The following STIL variants were observed in gnomAD, a reference collection of about 807,000 sequenced individuals.
The protein encoded by STIL is SCL-interrupting locus protein.
STIL carries 55 observed loss-of-function variants against 110.1 expected under a neutral mutation model. That is an observed-to-expected ratio of 0.50 (90% CI 0.40 to 0.63). The LOEUF is 0.63. Among genes scored for constraint, STIL ranks in the 20% least tolerant of loss-of-function variants. The pLI is 0.00. For missense variants in STIL, 1,358 were observed against 1,530.0 expected, an observed-to-expected ratio of 0.89 and a Z score of 1.87; for synonymous variants, 481 against 530.0, an observed-to-expected ratio of 0.91 and a Z score of 1.27.
At chr1:47,284,689 A>C (rs1307114907) in intron 10 of STIL, among the ~76,000 whole-genome samples, 2 of 152,176 alleles carry the variant, frequency 1.3e-5, no homozygotes, top group Non-Finnish European at 2.9e-5. Flanking sequence ...CAGGAGTTCG[A>C]GGCCAGCCTG....
intron 12 of STIL, among the ~76,000 whole-genome samples, chr1:47,276,041 C>T (rs936790487): frequency 6.7e-6 from 1 of 150,356 alleles, no homozygotes; most frequent in East Asian, 1.9e-4. Context: ...CTAGCTCTGT[C>T]GCCCAGGCTG....
intron 1 of STIL, 130 bp from the exon 2 acceptor site, chr1:47,310,492 T>C (rs1403727704): frequency 3.5e-6 from 2 of 569,362 alleles, no homozygotes; most frequent in African/African-American, 3.8e-5. Flanking sequence ...TTAATAAGAT[T>C]AAATGCTTGT....
At position 47,265,240 on chromosome 1, in the gene STIL, A is replaced by AAAT. The variant is rs1268060092; in HGVS notation, c.2616-2125_2616-2124insATT. Among the ~76,000 whole-genome samples, 181 of 147,396 alleles carry AAAT rather than the reference A, an allele frequency of 1.2e-3. 3 individuals carry two copies. The highest frequency in any genetic ancestry group is 4.4e-3 in the African/African-American group (173 of 39,268). ...AACAGAGCAACACTCCATCTCCCAA[A>AAAT]AAAAAAAAAAAAAAAAAAAACACAA... On this transcript the variant is annotated intron_variant, in intron 14 of 16. Coordinates refer to ENST00000371877, the MANE Select transcript of STIL (RefSeq NM_001048166.1).
intron 12 of STIL, among the ~76,000 whole-genome samples, chr1:47,279,300 A>G (rs1005973507): frequency 8.1e-6 from 1 of 123,096 alleles, no homozygotes; most frequent in African/African-American, 5.2e-5. Context: ...AAAAAAAAAA[A>G]TCATACGTAT....
chr1:47,260,265 T>A, intron 16 of STIL, 24 bp downstream of exon 16: 1 of 1,600,946 alleles, frequency 6.2e-7, no homozygotes, highest in Middle Eastern at 1.7e-4. Context: ...TATTCACTCT[T>A]TAAAACAAAA....
rs912446218 is a variant in STIL, at chr1:47,304,464, C to A, written c.152+425G>T. On this transcript the variant is annotated intron_variant, in intron 3 of 16. Coordinates refer to ENST00000371877, the MANE Select transcript of STIL (RefSeq NM_001048166.1). ...AACAAGTAACTCTTATGTACAAAAC[C>A]TCAATAGATCTATTTTCTATTACTT... Among the ~76,000 whole-genome samples, 20 of 152,272 alleles carry A rather than the reference C, an allele frequency of 1.3e-4. No individual in the cohort carries two copies. The South Asian group carries it at 1.5e-3, about 11-fold the overall frequency.
Position 47,251,218 on chromosome 1 carries a change from G to A in STIL, c.3785C>T (p.Thr1262Met), listed in dbSNP as rs747792794. ...IFPESLQPSETLKQMNSMNSV... is the reference protein window; with the variant it reads ...IFPESLQPSEMLKQMNSMNSV... ...ATTCATGCTATTCATCTGCTTTAGC[G>A]TTTCAGAAGGTTGCAAACTTTCAGG... Residue 1262 changes from threonine (T) to methionine (M), a missense_variant, in exon 17 of 17, where the codon ACG becomes ATG. Thr to Met is a moderately conservative substitution (Grantham distance 81, BLOSUM62 -1). Transcript: ENST00000371877. 34 of 1,611,680 alleles carry A rather than the reference G, an allele frequency of 2.1e-5. No homozygotes were observed. In the East Asian group the frequency reaches 5.3e-4, roughly 25 times the overall value.
At chr1:47,306,725 T>C (rs1645971069) in intron 2 of STIL, among the ~76,000 whole-genome samples, 2 of 152,258 alleles carry the variant, frequency 1.3e-5, no homozygotes, top group African/African-American at 4.8e-5. Context: ...CAAAAGGACA[T>C]AATTATAAAT....
At chr1:47,295,657 TG>T in intron 7 of STIL, 107 bp downstream of exon 7, 1 of 782,010 alleles carries the variant, frequency 1.3e-6, no homozygotes, top group South Asian at 1.5e-5. Flanking sequence ...CTTATCTTTG[TG>T]GCTTTATAAA....
chr1:47,280,055 AATT>A (rs1645113865), intron 12 of STIL, among the ~76,000 whole-genome samples, 183 bp downstream of exon 12: 1 of 152,184 alleles, frequency 6.6e-6, no homozygotes, highest in East Asian at 1.9e-4. Context: ...CATTGGGTTA[AATT>A]ATTCTCTCTA....
In STIL at chr1:47,306,125, T is replaced by C. The variant is rs144355185; in HGVS notation, c.45-1129A>G. Among the ~76,000 whole-genome samples, 73 of 152,256 alleles carry C rather than the reference T, an allele frequency of 4.8e-4. 1 individual carries two copies. In the East Asian group the frequency reaches 9.8e-3, roughly 21 times the overall value. ...TGGCTTATTTGTCCTTTTTTATCTA[T>C]GCATATGTAAATTTATGTATACACA... On this transcript the variant is annotated intron_variant, in intron 2 of 16. Coordinates refer to ENST00000371877, the MANE Select transcript of STIL (RefSeq NM_001048166.1).
chr1:47,310,419 G>T, intron 1 of STIL, 57 bp from the exon 2 acceptor site: 1 of 1,103,462 alleles, frequency 9.1e-7, no homozygotes. Context: ...AGAAAAATAT[G>T]ATTTAACCAC....
intron 6 of STIL, among the ~76,000 whole-genome samples, chr1:47,296,560 T>C (rs572316888): frequency 7.2e-4 from 109 of 152,086 alleles, no homozygotes; most frequent in African/African-American, 2.5e-3. Flanking sequence ...TCCCAGCACT[T>C]TGGGAGGCCG....
At chr1:47,253,067 C>T (rs1292538533) in intron 16 of STIL, among the ~76,000 whole-genome samples, 1 of 152,088 alleles carries the variant, frequency 6.6e-6, no homozygotes, top group Non-Finnish European at 1.5e-5. Flanking sequence ...CCTCCCTCCT[C>T]GAATTCCCAA....
Position 47,260,323 on chromosome 1 carries a change from C to A in STIL, c.3046G>T (p.Val1016Leu). 1 of 1,614,106 alleles carries A rather than the reference C, an allele frequency of 6.2e-7. No homozygotes were observed. Among genetic ancestry groups the A allele is most frequent in the Non-Finnish European group, 8.5e-7 (1 of 1,180,000 alleles). Reference sequence around the variant, plus strand: ...TCCACGTTATGTGCATTTTTCTTCACTTTAGTGGGAGAATCAATTTTTACT... The same window carrying A: ...TCCACGTTATGTGCATTTTTCTTCAATTTAGTGGGAGAATCAATTTTTACT... ...LGVKIDSPTK[V>L]KKNAHNVDHA... The change falls in exon 16 of 17, where the codon GTG (valine) becomes TTG (leucine). Residue 1016 changes from valine to leucine, a missense_variant. By Grantham distance (32) the Val-to-Leu change is conservative. Coordinates refer to ENST00000371877, the MANE Select transcript of STIL (RefSeq NM_001048166.1).
At chr1:47,305,756 G>A (rs1379189280) in intron 2 of STIL, among the ~76,000 whole-genome samples, 27 of 79,348 alleles carry the variant, frequency 3.4e-4, no homozygotes, top group African/African-American at 1.2e-3. Flanking sequence ...TTTTTCAGAC[G>A]GAGTCTTACC....
chr1:47,292,158 C>T lies in STIL; in HGVS notation c.872+1300G>A, dbSNP rs962716630. Among the ~76,000 whole-genome samples, 9 of 152,034 alleles carry T rather than the reference C, an allele frequency of 5.9e-5. No homozygotes were observed. The Middle Eastern group carries it at 0.01, about 172-fold the overall frequency. On this transcript the variant is annotated intron_variant, in intron 8 of 16. Transcript: ENST00000371877. ...GTGCTGGGATTACAGACATAAGACA[C>T]CATGCCTGGTCTGGGGACCTTTATT...
intron 14 of STIL, among the ~76,000 whole-genome samples, chr1:47,264,050 G>T (rs1644565572): frequency 6.6e-6 from 1 of 152,096 alleles, no homozygotes; most frequent in African/African-American, 2.4e-5. Context: ...ACTGCACCTG[G>T]CCTCAAGGAT....
chr1:47,305,726 T>G (rs1416113927), intron 2 of STIL, among the ~76,000 whole-genome samples: 1 of 4,234 alleles, frequency 2.4e-4, no homozygotes, highest in African/African-American at 8.8e-4. Context: ...ACGCCTGGCC[T>G]TTTTTTTTTT....
Sources: gnomAD v4.1 joint callset for allele counts (sites outside exome capture counted in the v4.1 genomes callset) on GRCh38, gnomAD v4.1.1 for gene constraint, MANE v1.5 for transcripts, NCBI Gene and HGNC (gene_info 2026-07-23, HGNC 2026-07-21) for gene names.